The following STK32B variants were observed in gnomAD, a reference collection of about 807,000 sequenced individuals.
The protein encoded by STK32B is serine/threonine-protein kinase 32B.
A neutral mutation model predicts 52.6 loss-of-function variants in STK32B; 43 were observed. That is an observed-to-expected ratio of 0.82 (90% CI 0.64 to 1.05). The LOEUF is 1.05. Ranked by LOEUF, STK32B falls within the 50% of genes least tolerant of loss-of-function variation. STK32B has a pLI of 0.00. For missense variants in STK32B, 621 were observed against 534.6 expected (o/e 1.16, Z -1.59); for synonymous variants, 238 against 204.3 (o/e 1.17, Z -1.41).
At chr4:5,019,947 C>T in the STK32B span, among the ~76,000 whole-genome samples, 1 of 152,164 alleles carries the variant, frequency 6.6e-6, no homozygotes, top group Non-Finnish European at 1.5e-5. Flanking sequence ...AGCAGGGATG[C>T]AGAGCTGCGG....
At chr4:5,334,305 T>G (rs1231378272) in intron 4 of STK32B, among the ~76,000 whole-genome samples, 40 of 152,148 alleles carry the variant, frequency 2.6e-4, no homozygotes, top group Admixed American at 2.6e-3. Flanking sequence ...TAAGAATGCT[T>G]GTGATTTTTA....
intron 11 of STK32B, among the ~76,000 whole-genome samples, chr4:5,487,176 A>C (rs1249594400): frequency 6.6e-6 from 1 of 152,172 alleles, no homozygotes; most frequent in Non-Finnish European, 1.5e-5. Flanking sequence ...GTTGCAGGGA[A>C]GATATGTGGG....
chr4:5,475,468 G>A (rs1038488596), intron 11 of STK32B, among the ~76,000 whole-genome samples: 1 of 145,526 alleles, frequency 6.9e-6, no homozygotes, highest in Non-Finnish European at 1.5e-5. Flanking sequence ...GGAGGCTGAG[G>A]TGGGCAGATC....
intron 3 of STK32B, among the ~76,000 whole-genome samples, chr4:5,308,974 A>G (rs563016776): frequency 7.9e-5 from 12 of 152,224 alleles, no homozygotes; most frequent in African/African-American, 2.9e-4. Context: ...CTGCTTGTAG[A>G]TGACATGATC....
intron 11 of STK32B, among the ~76,000 whole-genome samples, chr4:5,490,307 T>A (rs1279131092): frequency 1.3e-5 from 2 of 151,944 alleles, no homozygotes; most frequent in Non-Finnish European, 2.9e-5. Flanking sequence ...GGGTTTCACC[T>A]TGTTGGCAAG....
chr4:5,398,244 G>T lies in STK32B; in HGVS notation c.472G>T (p.Gly158Ter). ...KPDNILLDEH[G>*]HVHITDFNIA... is the part of the protein sequence containing the mutation. ...AGACAATATCCTGCTGGATGAACAC[G>T]GTAAGCCTGCTACTAATCCTTTACA... Residue 158 changes from glycine to a stop codon, truncating the protein, a stop_gained and splice_region_variant, in exon 5 of 12, where the codon GGA becomes TGA. Coordinates refer to ENST00000282908, the MANE Select transcript of STK32B (RefSeq NM_018401.3). LOFTEE classifies it high-confidence loss of function. This position sits in a 1 kb window ranked among gnomAD's most constrained non-coding sequence, Gnocchi z 4.9. 6.2e-7 allele frequency: 1 copy of T among 1,613,960 alleles called. No homozygotes were observed. Among genetic ancestry groups the T allele is most frequent in the Non-Finnish European group, 8.5e-7 (1 of 1,179,958 alleles).
intron 3 of STK32B, among the ~76,000 whole-genome samples, chr4:5,318,321 G>A (rs1429360303): frequency 6.6e-6 from 1 of 152,134 alleles, no homozygotes; most frequent in South Asian, 2.1e-4. Context: ...GGCCTGCCTG[G>A]GGAGTTGTCT....
the STK32B span, among the ~76,000 whole-genome samples, chr4:5,039,799 T>C: frequency 6.6e-6 from 1 of 152,096 alleles, no homozygotes; most frequent in Non-Finnish European, 1.5e-5. Flanking sequence ...CACCAGGAAA[T>C]AGGAATGTTG....
At chr4:5,069,998 G>T (rs1560135639) in intron 1 of STK32B, among the ~76,000 whole-genome samples, 1 of 152,214 alleles carries the variant, frequency 6.6e-6, no homozygotes, top group African/African-American at 2.4e-5. Context: ...TTAGGAGGAT[G>T]CCTGGCTCAA....
At chr4:5,475,274 C>T (rs1197745987) in intron 11 of STK32B, among the ~76,000 whole-genome samples, 7 of 150,444 alleles carry the variant, frequency 4.7e-5, no homozygotes, top group Non-Finnish European at 1.0e-4. Flanking sequence ...TACAAAGAAA[C>T]ATTAGCTGGG....
intron 9 of STK32B, among the ~76,000 whole-genome samples, chr4:5,466,015 T>A (rs1445347542): frequency 6.6e-6 from 1 of 152,234 alleles, no homozygotes; most frequent in African/African-American, 2.4e-5. Context: ...ACTGGGATTT[T>A]TCCCCTGTGC....
At chr4:5,089,960 G>A (rs1056040029) in intron 1 of STK32B, among the ~76,000 whole-genome samples, 7 of 152,198 alleles carry the variant, frequency 4.6e-5, no homozygotes, top group African/African-American at 1.7e-4. Context: ...TTTCTGTGAT[G>A]ATCAGTGATG....
At chr4:5,178,797 C>T (rs1720124370) in intron 3 of STK32B, among the ~76,000 whole-genome samples, 2 of 152,212 alleles carry the variant, frequency 1.3e-5, no homozygotes, top group South Asian at 4.1e-4. Context: ...GAGACTACAT[C>T]AGCCTGGACT....
rs531577011 is a variant in STK32B at position 5,273,898 on chromosome 4, G to A, written c.261-57322G>A. 6.5e-4 allele frequency among the ~76,000 whole-genome samples: 97 copies of A among 149,606 alleles called. 1 individual carries two copies. The Middle Eastern group carries it at 0.01, about 16-fold the overall frequency. ...GAAGATATACCTAATGCTAGATGAC[G>A]AGTTAGTGGGTGTAGCGCACCAGCA... On this transcript the variant is annotated intron_variant, in intron 3 of 11. Transcript: ENST00000282908.
intron 2 of STK32B, among the ~76,000 whole-genome samples, chr4:5,157,496 C>A (rs79716534): frequency 6.6e-6 from 1 of 152,086 alleles, no homozygotes; most frequent in South Asian, 2.1e-4. Flanking sequence ...CAGAGACAGC[C>A]TCTCCGAGAG....
At chr4:5,265,797 C>T (rs2108850372) in intron 3 of STK32B, among the ~76,000 whole-genome samples, 1 of 151,940 alleles carries the variant, frequency 6.6e-6, no homozygotes, top group South Asian at 2.1e-4. Context: ...CATTTTTTAT[C>T]CTCTTTATTT....
At chr4:5,367,766 A>G (rs895755472) in intron 4 of STK32B, among the ~76,000 whole-genome samples, 2 of 152,154 alleles carry the variant, frequency 1.3e-5, no homozygotes, top group African/African-American at 4.8e-5. Flanking sequence ...TGCCATGGCA[A>G]ATGTCTTTTC....
At chr4:5,416,550 G>T (rs1271592105) in intron 5 of STK32B, among the ~76,000 whole-genome samples, 1 of 152,114 alleles carries the variant, frequency 6.6e-6, no homozygotes, top group African/African-American at 2.4e-5. Context: ...ACCTGTCTCA[G>T]TTATTTCTAG....
In STK32B at chr4:5,396,207, G is replaced by A. The variant is rs542838859; in HGVS notation, c.435-2000G>A. Reference sequence around the variant, plus strand: ...AGTCATGGCTGTGCTTCCTCTGGAGGTTCAGGAGAGAATCCGCCCCTGGCC... The same window carrying A: ...AGTCATGGCTGTGCTTCCTCTGGAGATTCAGGAGAGAATCCGCCCCTGGCC... On this transcript the variant is annotated intron_variant, in intron 4 of 11. Transcript: ENST00000282908. This position sits in a 1 kb window ranked among gnomAD's most constrained non-coding sequence, Gnocchi z 4.7. Among the ~76,000 whole-genome samples, 2 of 152,322 alleles carry A rather than the reference G, an allele frequency of 1.3e-5. No individual in the cohort carries two copies. The highest frequency in any genetic ancestry group is 4.8e-5 in the African/African-American group (2 of 41,574).
Sources: allele counts gnomAD v4.1 joint callset (sites outside exome capture counted in the v4.1 genomes callset), GRCh38; gene constraint gnomAD v4.1.1; non-coding constraint Gnocchi (gnomAD v3.1); transcripts MANE v1.5; gene names NCBI Gene and HGNC (gene_info 2026-07-23, HGNC 2026-07-21).